ATP8B4: variants seen among roughly 807,000 people sequenced by gnomAD.
ATP8B4 encodes the protein ATPase phospholipid transporting 8B4 (putative).
ATP8B4 carries 133 observed loss-of-function variants against 145.6 expected under a neutral mutation model. That is an observed-to-expected ratio of 0.91 (90% confidence interval 0.79 to 1.05). The LOEUF is 1.05. Ranked by LOEUF, ATP8B4 falls within the 50% of genes least tolerant of loss-of-function variation. ATP8B4 has a pLI of 0.00. For synonymous variants in ATP8B4, 507 were observed against 492.9 expected (o/e 1.03, Z -0.38); for missense variants, 1,458 against 1,425.2 (o/e 1.02, Z -0.37).
intron 1 of ATP8B4, among the ~76,000 whole-genome samples, chr15:50,176,769 G>T (rs2044769833): frequency 6.6e-6 from 1 of 152,092 alleles, no homozygotes; most frequent in Admixed American, 6.5e-5. Flanking sequence ...AAGACATTCT[G>T]GTCAGAACTA....
chr15:50,156,085 T>C (rs796445825), intron 1 of ATP8B4, among the ~76,000 whole-genome samples: 2 of 6,526 alleles, frequency 3.1e-4, no homozygotes. Context: ...TATATATATA[T>C]ATATATAAAT....
intron 13 of ATP8B4, among the ~76,000 whole-genome samples, chr15:49,971,512 A>G (rs916670132): frequency 1.3e-5 from 2 of 152,222 alleles, no homozygotes; most frequent in Non-Finnish European, 2.9e-5. Flanking sequence ...CAGCAAACAT[A>G]TGAAAAAAAG....
At chr15:50,003,858 G>A (rs1383718011) in intron 7 of ATP8B4, among the ~76,000 whole-genome samples, 1 of 152,100 alleles carries the variant, frequency 6.6e-6, no homozygotes, top group Non-Finnish European at 1.5e-5. Flanking sequence ...GGTAAACAAG[G>A]GGTGGAGTCC....
chr15:50,085,945 G>C (rs1414631930), intron 2 of ATP8B4, among the ~76,000 whole-genome samples: 4 of 87,088 alleles, frequency 4.6e-5, no homozygotes, highest in Admixed American at 1.6e-4. Context: ...ATTTATATAT[G>C]ATATATATCA....
intron 1 of ATP8B4, among the ~76,000 whole-genome samples, chr15:50,157,785 C>T (rs935995866): frequency 9.9e-5 from 15 of 152,198 alleles, no homozygotes; most frequent in African/African-American, 3.1e-4. Context: ...TCTCTCTCCA[C>T]GGTCTCCCTC....
chr15:49,955,860 C>T (rs1316128048), intron 14 of ATP8B4, among the ~76,000 whole-genome samples: 1 of 151,854 alleles, frequency 6.6e-6, no homozygotes, highest in African/African-American at 2.4e-5. Context: ...TTGCTAGAGA[C>T]TGGGGAAATG....
At chr15:49,981,481 C>A (rs137887039) in intron 10 of ATP8B4, among the ~76,000 whole-genome samples, 187 bp from the exon 11 acceptor site, 1,960 of 152,200 alleles carry the variant, frequency 0.013, 20 homozygotes, top group South Asian at 0.018. Flanking sequence ...ATCCTGGAAG[C>A]TGCAAGAGAT....
rs562182418 is a variant in ATP8B4 at position 49,936,980 on chromosome 15, T to A, written c.1288-2798A>T. Among the ~76,000 whole-genome samples, 6 of 152,142 alleles carry A rather than the reference T, an allele frequency of 3.9e-5. 1 individual carries two copies. The South Asian group carries it at 1.2e-3, about 32-fold the overall frequency. The stretch of plus-strand genomic sequence containing the variant: ...TTTTTCCTGTGTTCTCTCCAGAGCA[T>A]CTTGTTCTTGTTTCATGGATGTTAT... On this transcript the variant is annotated intron_variant, in intron 14 of 27. Coordinates refer to ENST00000284509, the MANE Select transcript of ATP8B4 (RefSeq NM_024837.4).
chr15:50,172,150 C>G (rs1390824659), intron 1 of ATP8B4, among the ~76,000 whole-genome samples: 4 of 152,208 alleles, frequency 2.6e-5, no homozygotes, highest in African/African-American at 9.7e-5. Flanking sequence ...CCCTCTCCCT[C>G]CCACTCCCGC....
At chr15:49,949,065 T>C (rs897353933) in intron 14 of ATP8B4, among the ~76,000 whole-genome samples, 9 of 152,138 alleles carry the variant, frequency 5.9e-5, no homozygotes, top group Admixed American at 3.3e-4. Flanking sequence ...GTTTTGGTTA[T>C]GGTAGCCTGG....
At chr15:49,980,864 C>T (rs561494901) in intron 11 of ATP8B4, among the ~76,000 whole-genome samples, 2 of 152,318 alleles carry the variant, frequency 1.3e-5, no homozygotes, top group East Asian at 3.9e-4. Flanking sequence ...CCACCATAAG[C>T]TATGTATACA....
At chr15:50,046,405 AAAAACAAAAC>A (rs1429442959) in intron 4 of ATP8B4, among the ~76,000 whole-genome samples, 1 of 152,210 alleles carries the variant, frequency 6.6e-6, no homozygotes, top group East Asian at 1.9e-4. Context: ...AAACAAAAAC[AAAAACAAAAC>A]AAAACAAAAA....
intron 6 of ATP8B4, among the ~76,000 whole-genome samples, chr15:50,024,460 A>G (rs1209606529): frequency 2.6e-5 from 4 of 152,166 alleles, no homozygotes; most frequent in Non-Finnish European, 5.9e-5. Context: ...CAGCCAGATG[A>G]GCATTTGATT....
intron 14 of ATP8B4, among the ~76,000 whole-genome samples, chr15:49,952,600 C>A (rs181289348): frequency 2.7e-4 from 41 of 152,178 alleles, no homozygotes; most frequent in Non-Finnish European, 4.0e-4. Flanking sequence ...TTCCTCTAAC[C>A]TTTTATCAAG....
At chr15:50,074,478 T>C (rs1238858546) in intron 2 of ATP8B4, among the ~76,000 whole-genome samples, 1 of 152,202 alleles carries the variant, frequency 6.6e-6, no homozygotes, top group Admixed American at 6.5e-5. Context: ...TTCTCTTAAC[T>C]TCAAGTGGTT....
intron 21 of ATP8B4, among the ~76,000 whole-genome samples, chr15:49,900,208 G>A (rs1174264091): frequency 1.3e-5 from 2 of 152,122 alleles, no homozygotes; most frequent in African/African-American, 4.8e-5. Flanking sequence ...TGGTGTAGAA[G>A]GCAACACATC....
chr15:50,174,325 A>G (rs572959574), intron 1 of ATP8B4, among the ~76,000 whole-genome samples: 1 of 152,272 alleles, frequency 6.6e-6, no homozygotes, highest in South Asian at 2.1e-4. Context: ...AATATAGAGC[A>G]TCCAAATCGG....
chr15:50,013,009 A>C (rs1268890808), intron 6 of ATP8B4, among the ~76,000 whole-genome samples: 1 of 152,194 alleles, frequency 6.6e-6, no homozygotes, highest in African/African-American at 2.4e-5. Flanking sequence ...AAACTGATAA[A>C]GACCTATAAA....
At chr15:49,985,028 C>T (rs540666493) in intron 10 of ATP8B4, among the ~76,000 whole-genome samples, 1 of 152,006 alleles carries the variant, frequency 6.6e-6, no homozygotes, top group South Asian at 2.1e-4. Flanking sequence ...CATCTATATT[C>T]ATTGCACAAT....
Sources: allele counts gnomAD v4.1 joint callset (sites outside exome capture counted in the v4.1 genomes callset), GRCh38; gene constraint gnomAD v4.1.1; transcripts MANE v1.5; gene names NCBI Gene and HGNC (gene_info 2026-07-23, HGNC 2026-07-21).